The following ADGRB1 variants were observed in gnomAD, a reference collection of about 807,000 sequenced individuals.
ADGRB1 encodes brain-specific angiogenesis inhibitor 1.
Under a neutral mutation model 175.7 loss-of-function variants are expected in ADGRB1, and 36 were observed. The observed-to-expected ratio is 0.20, with a 90% CI of 0.16 to 0.27. ADGRB1 has a LOEUF of 0.27. Ranked by LOEUF, ADGRB1 falls within the 10% of genes least tolerant of loss-of-function variation. The pLI is 1.00. For missense variants in ADGRB1, 1,731 were observed against 2,255.3 expected, an observed-to-expected ratio of 0.77 and a Z score of 4.71; for synonymous variants, 1,054 against 979.4, an observed-to-expected ratio of 1.08 and a Z score of -1.42.
chr8:142,471,403 G>A (rs541979058), intron 2 of ADGRB1, among the ~76,000 whole-genome samples: 9 of 152,344 alleles, frequency 5.9e-5, no homozygotes, highest in African/African-American at 1.7e-4. Flanking sequence ...GCAGACAACC[G>A]GGGTCGGGGC....
chr8:142,482,622 C>T (rs971774518), intron 11 of ADGRB1, among the ~76,000 whole-genome samples: 4 of 145,166 alleles, frequency 2.8e-5, no homozygotes, highest in East Asian at 4.3e-4. Flanking sequence ...CCCTGACCCT[C>T]GTCACATGCT....
At chr8:142,465,030 GGGGAGGCGGGCAGACA>G in intron 2 of ADGRB1, 48 bp downstream of exon 2, 1 of 986,036 alleles carries the variant, frequency 1.0e-6, no homozygotes, top group Non-Finnish European at 1.3e-6. Flanking sequence ...TGGGCAGACA[GGGGAGGCGGGCAGACA>G]GGGGAGGCGG....
Position 142,464,530 on chromosome 8 carries a change from C to G in ADGRB1, c.332C>G (p.Thr111Arg). 1.3e-6 allele frequency: 2 copies of G among 1,571,292 alleles called. No individual in the cohort carries two copies. Among genetic ancestry groups the G allele is most frequent in the Non-Finnish European group, 1.7e-6 (2 of 1,161,602 alleles). ...CAGTTCGACTCCTTCCTCGAGTCCA[C>G]GCGCACCTACCTGGGCGTGGAGAGC... The part of the protein sequence containing the change: ...TYQFDSFLES[T>R]RTYLGVESFD... Residue 111 changes from threonine (T) to arginine (R), a missense_variant, in exon 2 of 31, where the codon ACG (threonine) becomes AGG (arginine). Transcript: ENST00000517894.
At chr8:142,534,938 G>A (rs909676330) in intron 25 of ADGRB1, among the ~76,000 whole-genome samples, 1 of 152,186 alleles carries the variant, frequency 6.6e-6, no homozygotes, top group Non-Finnish European at 1.5e-5. Context: ...CTCGTCACAG[G>A]AGCTCATCAC....
intron 2 of ADGRB1, among the ~76,000 whole-genome samples, chr8:142,473,388 C>A (rs1428858288): frequency 6.6e-6 from 1 of 152,206 alleles, no homozygotes; most frequent in Non-Finnish European, 1.5e-5. Context: ...GCCCGGAGCA[C>A]CTGGGCCCCA....
chr8:142,481,579 C>T lies in ADGRB1; in HGVS notation c.1998C>T (p.Ile666=), dbSNP rs1841341020. 1.9e-6 allele frequency: 3 copies of T among 1,602,144 alleles called. No individual in the cohort carries two copies. The highest frequency in any genetic ancestry group is 2.3e-5 in the South Asian group (2 of 88,686). ...GLPGEGVSEV[I]QTLVEISQDG... Reference sequence around the variant, plus strand: ...CTGGGGAGGGGGTCTCGGAGGTCATCCAGACACTGGTGGAGATCTCTCAGG... The same window carrying T: ...CTGGGGAGGGGGTCTCGGAGGTCATTCAGACACTGGTGGAGATCTCTCAGG... The change falls in exon 11 of 31, where the codon ATC becomes ATT. Residue 666 remains isoleucine (I), a synonymous_variant. Coordinates refer to ENST00000517894, the MANE Select transcript of ADGRB1 (RefSeq NM_001702.3).
In ADGRB1 at chr8:142,511,831, G is replaced by A. The variant is rs1317169993; in HGVS notation, c.2817+758G>A. ...AGGCCGAGGCCCAGGACAGCCCACA[G>A]AGCAGGAAAGGGCCTTGGGCGTGTG... On this transcript the variant is annotated intron_variant, in intron 18 of 30. Transcript: ENST00000517894. This position sits in a 1 kb window ranked among gnomAD's most constrained non-coding sequence, Gnocchi z 4.5. Among the ~76,000 whole-genome samples the A allele has an allele frequency of 6.6e-6, 1 of 152,234 alleles. No homozygotes were observed. Among genetic ancestry groups the A allele is most frequent in the Non-Finnish European group, 1.5e-5 (1 of 68,044 alleles).
chr8:142,539,198 C>T (rs2132267767), intron 26 of ADGRB1, among the ~76,000 whole-genome samples, 176 bp from the exon 27 acceptor site: 1 of 152,270 alleles, frequency 6.6e-6, no homozygotes, highest in Admixed American at 6.5e-5. Context: ...ACGCCCACCA[C>T]ACAGGCAGGT....
chr8:142,455,105 C>A lies in ADGRB1; in HGVS notation c.-220+5001C>A, dbSNP rs1839588762. Among the ~76,000 whole-genome samples the A allele has an allele frequency of 6.7e-6, 1 of 149,514 alleles. No homozygotes were observed. Among genetic ancestry groups the A allele is most frequent in the Admixed American group, 6.6e-5 (1 of 15,042 alleles). The stretch of plus-strand genomic sequence containing the variant: ...CTCACTGCCCCCCTACCATCTCACC[C>A]CACCCCATCACCCCCACCACCATTG... On this transcript the variant is annotated intron_variant, in intron 1 of 30. Coordinates refer to ENST00000517894, the MANE Select transcript of ADGRB1 (RefSeq NM_001702.3). The surrounding 1 kb of genome is among the most constrained non-coding windows in gnomAD (Gnocchi z 4.9).
At chr8:142,460,619 C>A (rs1026284049) in intron 1 of ADGRB1, among the ~76,000 whole-genome samples, 2 of 152,196 alleles carry the variant, frequency 1.3e-5, no homozygotes, top group African/African-American at 4.8e-5. Flanking sequence ...GGGATGGACA[C>A]TTCTGGGCCA....
intron 17 of ADGRB1, among the ~76,000 whole-genome samples, chr8:142,508,774 G>A (rs548377070): frequency 3.3e-5 from 5 of 152,342 alleles, no homozygotes; most frequent in East Asian, 1.9e-4. Flanking sequence ...AGGCTCCCAC[G>A]TGCCTCTGTG....
At chr8:142,536,708 C>T (rs1352289982) in intron 25 of ADGRB1, among the ~76,000 whole-genome samples, 10 of 151,550 alleles carry the variant, frequency 6.6e-5, no homozygotes, top group Non-Finnish European at 1.0e-4. Context: ...GACTCTGGCC[C>T]GAGGGCCTGC....
Position 142,467,072 on chromosome 8 carries a change from T to C in ADGRB1, c.784+2090T>C, listed in dbSNP as rs146772290. Among the ~76,000 whole-genome samples the C allele has an allele frequency of 1.1e-3, 168 of 152,296 alleles. 2 individuals are homozygous for C. The highest frequency in any genetic ancestry group is 1.8e-3 in the Non-Finnish European group (122 of 68,022). ...GGAAAGAGCTGGCGGGACAGACGCA[T>C]GTGACGCGTGGAGAGGCTGGGGCAC... On this transcript the variant is annotated intron_variant, in intron 2 of 30. Coordinates refer to ENST00000517894, the MANE Select transcript of ADGRB1 (RefSeq NM_001702.3).
Position 142,481,562 on chromosome 8 carries a change from G to C in ADGRB1, c.1981G>C (p.Gly661Arg). The C allele has an allele frequency of 6.3e-7, 1 of 1,598,354 alleles. No homozygotes were observed. Among genetic ancestry groups the C allele is most frequent in the Non-Finnish European group, 8.5e-7 (1 of 1,172,700 alleles). Reference protein sequence around the residue: ...AKAQRGLPGEGVSEVIQTLVE... With the variant: ...AKAQRGLPGERVSEVIQTLVE... Reference sequence around the variant, plus strand: ...GGCTCAGCGAGGGCTGCCTGGGGAGGGGGTCTCGGAGGTCATCCAGACACT... The same window carrying C: ...GGCTCAGCGAGGGCTGCCTGGGGAGCGGGTCTCGGAGGTCATCCAGACACT... The change falls in exon 11 of 31, where the codon GGG becomes CGG. Residue 661 changes from glycine (G) to arginine (R), a missense_variant. Physicochemically the swap from Gly to Arg is moderately radical, Grantham distance 125. Transcript: ENST00000517894.
intron 9 of ADGRB1, 140 bp from the exon 10 acceptor site, chr8:142,481,114 C>A: frequency 1.4e-6 from 1 of 719,968 alleles, no homozygotes; most frequent in Non-Finnish European, 2.4e-6. Flanking sequence ...GTGGACTCTG[C>A]TCTCGGCGTG....
chr8:142,526,766 G>A, intron 24 of ADGRB1, 139 bp downstream of exon 24: 1 of 847,992 alleles, frequency 1.2e-6, no homozygotes, highest in South Asian at 1.6e-5. Context: ...GGAAACGGAG[G>A]CACTGAGTAC....
chr8:142,522,737 G>A (rs1214105205), intron 22 of ADGRB1, 27 bp downstream of exon 22: 2 of 1,474,694 alleles, frequency 1.4e-6, no homozygotes, highest in African/African-American at 1.5e-5. Flanking sequence ...GGGGTGTGGT[G>A]GATGGCCACA....
chr8:142,471,936 A>T (rs1426575588), intron 2 of ADGRB1, among the ~76,000 whole-genome samples: 1 of 152,120 alleles, frequency 6.6e-6, no homozygotes, highest in African/African-American at 2.4e-5. Context: ...CCCAGGACAA[A>T]CCCTAACTTG....
chr8:142,525,089 T>C (rs1264060352), intron 23 of ADGRB1, among the ~76,000 whole-genome samples: 1 of 152,102 alleles, frequency 6.6e-6, no homozygotes, highest in African/African-American at 2.4e-5. Flanking sequence ...TAGTGGGGAC[T>C]CAGGCACAGG....
Sources: allele counts gnomAD v4.1 joint callset (sites outside exome capture counted in the v4.1 genomes callset), GRCh38; gene constraint gnomAD v4.1.1; non-coding constraint Gnocchi (gnomAD v3.1); transcripts MANE v1.5; gene names NCBI Gene and HGNC (gene_info 2026-07-23, HGNC 2026-07-21).